CBFB: variants seen among roughly 807,000 people sequenced by gnomAD.
The protein encoded by CBFB is CBF-beta.
In CBFB, 9 loss-of-function variants were observed where a neutral mutation model predicts 30.4. The ratio of observed to expected loss-of-function variants is 0.30; its 90% CI spans 0.18 to 0.52. The LOEUF (loss-of-function observed/expected upper bound fraction) is 0.52, where lower values mean the gene tolerates loss of function less well. Ranked by LOEUF, CBFB falls within the 20% of genes least tolerant of loss-of-function variation. The probability of loss-of-function intolerance (pLI) is 0.97; values close to 1 mark genes in which losing one functional copy is unlikely to be tolerated. For synonymous variants in CBFB, 94 were observed against 84.0 expected (o/e 1.12, Z -0.65); for missense variants, 170 against 244.0 (o/e 0.70, Z 2.02).
chr16:67,093,533 T>C (rs1429879260), intron 5 of CBFB: 1 of 152,190 alleles, frequency 6.6e-6, no homozygotes, highest in African/African-American at 2.4e-5. Flanking sequence ...TCGTCTCATT[T>C]GGAGTCATCT....
chr16:67,077,813 T>C (rs1021218927), intron 4 of CBFB, among the ~76,000 whole-genome samples: 1 of 152,204 alleles, frequency 6.6e-6, no homozygotes, highest in African/African-American at 2.4e-5. Flanking sequence ...GAAGAGAGAA[T>C]TACTACAACA....
At chr16:67,090,325 C>T (rs1961848200) in intron 5 of CBFB, among the ~76,000 whole-genome samples, 1 of 152,138 alleles carries the variant, frequency 6.6e-6, no homozygotes, top group Non-Finnish European at 1.5e-5. Context: ...TAATCACAGA[C>T]GTTACTTTTG....
At chr16:67,082,857 A>C (rs1280183778) in intron 5 of CBFB, among the ~76,000 whole-genome samples, 1 of 152,168 alleles carries the variant, frequency 6.6e-6, no homozygotes, top group African/African-American at 2.4e-5. Flanking sequence ...AACATTAACA[A>C]ATCTGTAGCT....
At chr16:67,037,946 G>A (rs1200331981) in intron 3 of CBFB, among the ~76,000 whole-genome samples, 1 of 152,062 alleles carries the variant, frequency 6.6e-6, no homozygotes, top group Non-Finnish European at 1.5e-5. Flanking sequence ...TGGGATTATA[G>A]GAGTGAGCTA....
chr16:67,077,254 G>C (rs1961426355), intron 4 of CBFB, among the ~76,000 whole-genome samples: 1 of 152,096 alleles, frequency 6.6e-6, no homozygotes, highest in East Asian at 1.9e-4. Context: ...AGTTTTATTT[G>C]ATTCCATGAT....
At chr16:67,053,869 T>G (rs1485664281) in intron 3 of CBFB, among the ~76,000 whole-genome samples, 3 of 151,886 alleles carry the variant, frequency 2.0e-5, no homozygotes. Context: ...TAATTTCTTT[T>G]GTCAAAATTG....
chr16:67,048,939 C>T (rs1334172149), intron 3 of CBFB, among the ~76,000 whole-genome samples: 2 of 151,292 alleles, frequency 1.3e-5, no homozygotes, highest in African/African-American at 2.4e-5. Context: ...CCTACCTCAG[C>T]CTCCCGAGTA....
At chr16:67,091,896 A>G (rs1056991276) in intron 5 of CBFB, among the ~76,000 whole-genome samples, 5 of 152,004 alleles carry the variant, frequency 3.3e-5, no homozygotes, top group Non-Finnish European at 7.4e-5. Flanking sequence ...TTTTTGAGGC[A>G]GAGTTTCGCC....
At chr16:67,070,797 G>C (rs924189681) in intron 4 of CBFB, among the ~76,000 whole-genome samples, 3 of 151,202 alleles carry the variant, frequency 2.0e-5, no homozygotes, top group African/African-American at 7.3e-5. Context: ...ATTGCAATGA[G>C]CCGAGATCAC....
chr16:67,029,207 G>A lies in CBFB; in HGVS notation c.-201G>A, dbSNP rs568086733. On this transcript the variant is annotated 5_prime_UTR_variant, in exon 1 of 6. Transcript: ENST00000412916. ...CGGCTGAGGCGGCGGCGGCGGCGGC[G>A]GCGGCGTGGGTTGGGCTCGAGCGGG... 0.021 allele frequency: 5,142 copies of A among 243,118 alleles called. 243 individuals are homozygous for A. The highest frequency in any genetic ancestry group is 0.11 in the African/African-American group (4,625 of 43,284). The allele number at this position is 243,118 out of a possible 1,614,324, so 15.1% of individuals were successfully genotyped here. A position where few individuals can be genotyped will look rare whatever the true frequency, so the allele number is the denominator to read the frequency against.
chr16:67,068,378 G>C (rs187465136), intron 4 of CBFB, among the ~76,000 whole-genome samples: 17 of 152,280 alleles, frequency 1.1e-4, no homozygotes, highest in Admixed American at 3.9e-4. Flanking sequence ...CTACTTAGGA[G>C]GCTGAGGTGG....
At chr16:67,035,169 T>G (rs997895074) in intron 2 of CBFB, among the ~76,000 whole-genome samples, 3 of 152,092 alleles carry the variant, frequency 2.0e-5, no homozygotes, top group Non-Finnish European at 4.4e-5. Flanking sequence ...ATGCAACCTC[T>G]GCCTCCCAGG....
At chr16:67,066,886 GA>G in intron 4 of CBFB, 88 bp downstream of exon 4, 1 of 708,344 alleles carries the variant, frequency 1.4e-6, no homozygotes, top group Non-Finnish European at 2.5e-6. Context: ...CAATTTTTAA[GA>G]GTAAGTATAG....
intron 3 of CBFB, among the ~76,000 whole-genome samples, chr16:67,051,900 T>C (rs553931022): frequency 7.1e-6 from 1 of 140,928 alleles, no homozygotes; most frequent in African/African-American, 3.0e-5. Flanking sequence ...CAGGCATATA[T>C]ATATATGTGT....
chr16:67,051,267 C>T (rs1966734309), intron 3 of CBFB, among the ~76,000 whole-genome samples: 1 of 152,120 alleles, frequency 6.6e-6, no homozygotes, highest in African/African-American at 2.4e-5. Flanking sequence ...AGCTATTATA[C>T]AATCCACATG....
Position 67,029,327 on chromosome 16 carries a change from A to T in CBFB, c.-81A>T, listed in dbSNP as rs1443551571. Reference sequence around the variant, plus strand: ...GTCCGGGCGCCGCGGGTGGGCGGTCAGTCGGTCAGCGCGGAGCCAGCCAGC... The same window carrying T: ...GTCCGGGCGCCGCGGGTGGGCGGTCTGTCGGTCAGCGCGGAGCCAGCCAGC... On this transcript the variant is annotated 5_prime_UTR_variant, in exon 1 of 6. Transcript: ENST00000412916. The T allele has an allele frequency of 1.0e-5, 10 of 965,168 alleles. No individual in the cohort carries two copies. The highest frequency in any genetic ancestry group is 1.4e-5 in the Non-Finnish European group (10 of 733,318). 59.8% of individuals were successfully genotyped at this position (965,168 alleles called of 1,614,324 possible). A position where few individuals can be genotyped will look rare whatever the true frequency, so the allele number is the denominator to read the frequency against.
chr16:67,036,701 A>G lies in CBFB; in HGVS notation c.228A>G (p.Glu76=). ...LQFFPASWQG[E]QRQTPSREYV... is the part of the protein sequence containing the mutation. The stretch of plus-strand genomic sequence containing the variant: ...TTTTTCCGGCCAGCTGGCAGGGAGA[A>G]CAGCGACAAACACCTAGCCGAGAGT... Residue 76 remains glutamate (E), a synonymous_variant, in exon 3 of 6, where the codon GAA becomes GAG. Transcript: ENST00000412916. 1 of 1,613,980 alleles carries G rather than the reference A, an allele frequency of 6.2e-7. No homozygotes were observed. The highest frequency in any genetic ancestry group is 8.5e-7 in the Non-Finnish European group (1 of 1,179,834).
intron 3 of CBFB, among the ~76,000 whole-genome samples, chr16:67,039,668 C>A (rs1372855306): frequency 1.3e-5 from 2 of 152,074 alleles, no homozygotes; most frequent in African/African-American, 4.8e-5. Context: ...AGTGATAGAA[C>A]TATGCAGGCT....
chr16:67,041,790 T>TC (rs1966534492), intron 3 of CBFB, among the ~76,000 whole-genome samples: 1 of 148,652 alleles, frequency 6.7e-6, no homozygotes, highest in Non-Finnish European at 1.5e-5. Flanking sequence ...TTTTTTTTTT[T>TC]AAGAGAGAGG....
Sources: gnomAD v4.1 joint callset for allele counts (sites outside exome capture counted in the v4.1 genomes callset) on GRCh38, gnomAD v4.1.1 for gene constraint, MANE v1.5 for transcripts, NCBI Gene and HGNC (gene_info 2026-07-23, HGNC 2026-07-21) for gene names.